FAM120C: variants seen among roughly 807,000 people sequenced by gnomAD.
The protein encoded by FAM120C is constitutive coactivator of PPAR-gamma-like protein 2.
Under a neutral mutation model 71.2 loss-of-function variants are expected in FAM120C, and 14 were observed. That is an observed-to-expected ratio of 0.20 (90% CI 0.13 to 0.31). The LOEUF (loss-of-function observed/expected upper bound fraction) is 0.31. Ranked by LOEUF, FAM120C falls within the 10% of genes least tolerant of loss-of-function variation. The probability of loss-of-function intolerance (pLI) is 1.00; values close to 1 mark genes in which losing one functional copy is unlikely to be tolerated. For synonymous variants in FAM120C, 354 were observed against 353.2 expected (o/e 1.00, Z -0.03); for missense variants, 500 against 879.0 (o/e 0.57, Z 5.45).
chrX:54,167,916 T>C (rs1443333605), intron 1 of FAM120C, among the ~76,000 whole-genome samples: 1 of 102,572 alleles, frequency 9.7e-6, no homozygotes, highest in Admixed American at 1.1e-4. Flanking sequence ...TGCAGTGAGC[T>C]GAGATCGCGC....
chrX:54,132,212 C>T (rs782010466), intron 9 of FAM120C, among the ~76,000 whole-genome samples: 5 of 110,675 alleles, frequency 4.5e-5, no homozygotes, highest in Non-Finnish European at 7.6e-5. Flanking sequence ...TACACAACCA[C>T]GCCTAATTTT....
chrX:54,180,599 A>C (rs1462999571), intron 1 of FAM120C, among the ~76,000 whole-genome samples: 1 of 111,815 alleles, frequency 8.9e-6, no homozygotes, highest in Non-Finnish European at 1.9e-5. Flanking sequence ...GAAATGATCT[A>C]ATCACAGTGG....
At chrX:54,073,587 A>G (rs1294887778) in intron 15 of FAM120C, among the ~76,000 whole-genome samples, 2 of 109,934 alleles carry the variant, frequency 1.8e-5, no homozygotes, top group East Asian at 2.9e-4. Context: ...GCCCACCACC[A>G]TGCCTAGCTA....
chrX:54,131,378 C>T (rs1313241787), intron 9 of FAM120C, among the ~76,000 whole-genome samples: 3 of 111,064 alleles, frequency 2.7e-5, no homozygotes, highest in African/African-American at 3.3e-5. Context: ...AAGCAATCTT[C>T]CCACCTCAGT....
intron 10 of FAM120C, among the ~76,000 whole-genome samples, chrX:54,097,757 C>T (rs888932039): frequency 9.0e-6 from 1 of 111,184 alleles, no homozygotes; most frequent in East Asian, 2.8e-4. Flanking sequence ...GATGGACTCT[C>T]GCTCTGTCAC....
chrX:54,131,100 C>T (rs1216646635), intron 9 of FAM120C, among the ~76,000 whole-genome samples: 1 of 112,165 alleles, frequency 8.9e-6, no homozygotes, highest in African/African-American at 3.2e-5. Context: ...TCTACTCTAT[C>T]TTCCCAGAAA....
Position 54,132,831 on chromosome X carries a change from A to G in FAM120C, c.1923T>C (p.Asp641=), listed in dbSNP as rs782739135. Residue 641 remains aspartate, a synonymous_variant, in exon 9 of 16, where the codon GAT becomes GAC. Transcript: ENST00000375180. ...CTGGAGGCAGCTCCATGTTACACTCATCCTCAATACATACGGGGATCTTAA... is the reference window on the plus strand; with the variant it reads ...CTGGAGGCAGCTCCATGTTACACTCGTCCTCAATACATACGGGGATCTTAA... ...GEIKIPVCIE[D]ECNMELPPAA... is the part of the protein sequence containing the mutation. 1.7e-6 allele frequency: 2 copies of G among 1,203,447 alleles called. No homozygotes were observed. The highest frequency in any genetic ancestry group is 3.5e-5 in the African/African-American group (2 of 57,539).
intron 13 of FAM120C, among the ~76,000 whole-genome samples, chrX:54,084,658 G>A (rs1414385300): frequency 1.9e-5 from 2 of 107,945 alleles, no homozygotes; most frequent in South Asian, 4.1e-4. Context: ...GTAAAACCCC[G>A]TCTCTACTAA....
intron 10 of FAM120C, among the ~76,000 whole-genome samples, chrX:54,104,012 G>T (rs1557124469): frequency 8.9e-6 from 1 of 111,927 alleles, no homozygotes; most frequent in African/African-American, 3.2e-5. Context: ...TCTCAAGAGA[G>T]ATTCCTCAAC....
intron 10 of FAM120C, among the ~76,000 whole-genome samples, chrX:54,094,350 G>A (rs1287029414): frequency 9.4e-6 from 1 of 106,571 alleles, no homozygotes; most frequent in African/African-American, 3.4e-5. Flanking sequence ...GCCCGCCTCG[G>A]CCTCCCAAAG....
chrX:54,152,363 T>C (rs1297674503), intron 3 of FAM120C, among the ~76,000 whole-genome samples: 1 of 111,738 alleles, frequency 8.9e-6, no homozygotes, highest in African/African-American at 3.3e-5. Context: ...GTTCAAGTAA[T>C]TCTCCTGCCT....
chrX:54,084,811 C>T (rs1557121744), intron 13 of FAM120C, among the ~76,000 whole-genome samples: 4 of 111,142 alleles, frequency 3.6e-5, no homozygotes, highest in South Asian at 3.8e-4. Context: ...GTGTATTCAT[C>T]GTTAAACTGT....
In FAM120C at chrX:54,165,669, C is replaced by T. The variant is rs1258422234; in HGVS notation, c.700-6053G>A. On this transcript the variant is annotated intron_variant, in intron 1 of 15. Transcript: ENST00000375180. ...ACTGGTGCCTGTAATCCCAGCTACT[C>T]GGGGGGCTAAGGCAGGAGATTTGCT... is the stretch of plus-strand genomic sequence containing the variant. Among the ~76,000 whole-genome samples the T allele has an allele frequency of 4.5e-5, 5 of 110,213 alleles. No homozygotes were observed. In the East Asian group the frequency reaches 8.5e-4, roughly 19 times the overall value.
intron 4 of FAM120C, among the ~76,000 whole-genome samples, chrX:54,143,354 CA>C (rs370304614): frequency 0.041 from 4,276 of 103,784 alleles, 101 homozygotes; most frequent in African/African-American, 0.08. Flanking sequence ...AAAAACCCTT[CA>C]AAAAAATCAA....
At position 54,134,803 on chromosome X, in the gene FAM120C, T is replaced by C. The variant is rs368232662; in HGVS notation, c.1616+28A>G. On this transcript the variant is annotated intron_variant, in intron 7 of 15. Coordinates refer to ENST00000375180, the MANE Select transcript of FAM120C (RefSeq NM_017848.6). The stretch of plus-strand genomic sequence containing the variant: ...TAATACAGATGCCTCAGAAATCTAC[T>C]TCCTTAGGTGTCTACAGAGATACTT... The C allele has an allele frequency of 1.0e-5, 12 of 1,172,756 alleles. No homozygotes were observed. In the African/African-American group the frequency reaches 1.6e-4, roughly 16 times the overall value.
intron 9 of FAM120C, among the ~76,000 whole-genome samples, chrX:54,130,013 AGAGAGGGAGAGGGAGACCCTGGGGAGAGG>A (rs1192750058): frequency 2.0e-5 from 2 of 101,137 alleles, no homozygotes; most frequent in Middle Eastern, 4.9e-3. Flanking sequence ...GACCGTGGAA[AGAGAGGGAGAGGGAGACCCTGGGGAGAGG>A]GAGAGGGAGA....
chrX:54,126,450 A>T (rs113788742), intron 9 of FAM120C, among the ~76,000 whole-genome samples: 1,796 of 111,988 alleles, frequency 0.016, 33 homozygotes, highest in African/African-American at 0.057. Flanking sequence ...CCAATTTTTC[A>T]TATACACAGG....
chrX:54,092,455 C>T (rs1244021578), intron 10 of FAM120C, among the ~76,000 whole-genome samples: 2 of 110,069 alleles, frequency 1.8e-5, no homozygotes, highest in African/African-American at 6.6e-5. Context: ...TGAGGCAGGA[C>T]AATCGCTTAA....
chrX:54,106,629 G>A (rs187456857), intron 10 of FAM120C, among the ~76,000 whole-genome samples: 160 of 111,666 alleles, frequency 1.4e-3, no homozygotes, highest in Non-Finnish European at 2.4e-3. Context: ...GCAACCTACA[G>A]AATGAGAGAA....
Sources: gnomAD v4.1 joint callset for allele counts (sites outside exome capture counted in the v4.1 genomes callset) on GRCh38, gnomAD v4.1.1 for gene constraint, MANE v1.5 for transcripts, NCBI Gene and HGNC (gene_info 2026-07-23, HGNC 2026-07-21) for gene names.